The following SHANK2 variants were observed in gnomAD, a reference collection of about 807,000 sequenced individuals.
The protein encoded by SHANK2 is SH3 and multiple ankyrin repeat domains 2.
SHANK2 carries 43 observed loss-of-function variants against 133.7 expected under a neutral mutation model. That is an observed-to-expected ratio of 0.32 (90% confidence interval 0.25 to 0.41). The LOEUF (loss-of-function observed/expected upper bound fraction) is 0.41, where lower values mean the gene tolerates loss of function less well. Ranked by LOEUF, SHANK2 falls within the 10% of genes least tolerant of loss-of-function variation. The pLI, the probability that SHANK2 is intolerant of heterozygous loss-of-function variation, is 1.00. For synonymous variants in SHANK2, 1,017 were observed against 952.8 expected (o/e 1.07, Z -1.24); for missense variants, 1,994 against 2,235.8 (o/e 0.89, Z 2.18).
chr11:70,784,001 A>G (rs1277080743), intron 14 of SHANK2, among the ~76,000 whole-genome samples: 1 of 152,146 alleles, frequency 6.6e-6, no homozygotes, highest in Non-Finnish European at 1.5e-5. Flanking sequence ...GACACAGGGC[A>G]GGGGCCACTG....
intron 17 of SHANK2, among the ~76,000 whole-genome samples, chr11:70,519,224 A>G (rs2059300767): frequency 6.6e-6 from 1 of 152,186 alleles, no homozygotes; most frequent in South Asian, 2.1e-4. Context: ...TTTTAAGAAG[A>G]AACTTTCCCT....
intron 11 of SHANK2, among the ~76,000 whole-genome samples, chr11:70,849,244 G>C (rs1555064679): frequency 6.6e-6 from 1 of 152,166 alleles, no homozygotes; most frequent in African/African-American, 2.4e-5. Flanking sequence ...CCAGGGATCT[G>C]AGACCAGCCT....
intron 2 of SHANK2, among the ~76,000 whole-genome samples, chr11:71,208,449 C>G (rs1393534841): frequency 1.3e-5 from 2 of 152,146 alleles, no homozygotes; most frequent in African/African-American, 4.8e-5. Context: ...ATGCTGCTTT[C>G]CAAATCTCGG....
chr11:70,949,992 C>A, intron 10 of SHANK2: 1 of 452,246 alleles, frequency 2.2e-6, no homozygotes. Flanking sequence ...CTGGGGAGGG[C>A]TGCTCCCTGC....
In SHANK2 at chr11:70,631,403, CA is replaced by C. The variant is rs1555002164; in HGVS notation, c.2061+28424del. 4.4e-3 allele frequency among the ~76,000 whole-genome samples: 671 copies of C among 150,902 alleles called. 3 individuals carry two copies. Among genetic ancestry groups the C allele is most frequent in the Non-Finnish European group, 6.1e-3 (411 of 67,528 alleles). On this transcript the variant is annotated intron_variant, in intron 17 of 25. Transcript: ENST00000601538. Reference sequence around the variant, plus strand: ...ACACACACACACACACACACACACACACACACCCACACAACCTCCCTCCCAC... The same window carrying C: ...ACACACACACACACACACACACACACCACACCCACACAACCTCCCTCCCAC...
At chr11:71,105,321 G>T (rs560930681) in intron 6 of SHANK2, among the ~76,000 whole-genome samples, 1 of 152,054 alleles carries the variant, frequency 6.6e-6, no homozygotes, top group Admixed American at 6.6e-5. Context: ...GGTTGAGTGC[G>T]GTGGCTCACA....
chr11:71,073,142 C>CTTTTTTTTTTTTTTTTTTT (rs1951165821), intron 9 of SHANK2, among the ~76,000 whole-genome samples: 5 of 41,092 alleles, frequency 1.2e-4, no homozygotes, highest in African/African-American at 1.8e-4. Flanking sequence ...TTTTCTTTTT[C>CTTTTTTTTTTTTTTTTTTT]TTTTCTTTTT....
In SHANK2 at chr11:71,183,807, C is replaced by A. The variant is rs182919964; in HGVS notation, c.-12-36469G>T. ...GACAGGTGCCCAAGTCACAACCCCA[C>A]CCGGTCTCATGGTGGGAGATGGTGC... On this transcript the variant is annotated intron_variant, in intron 2 of 25. Transcript: ENST00000601538. 4.6e-5 allele frequency among the ~76,000 whole-genome samples: 7 copies of A among 152,252 alleles called. No homozygotes were observed. The East Asian group carries it at 1.2e-3, about 25-fold the overall frequency.
chr11:71,247,733 C>T (rs2135831907), intron 1 of SHANK2, among the ~76,000 whole-genome samples: 1 of 152,296 alleles, frequency 6.6e-6, no homozygotes, highest in African/African-American at 2.4e-5. Context: ...GCCAGGAGCC[C>T]TTCTGCATTC....
At chr11:70,785,641 G>A (rs1293308042) in intron 14 of SHANK2, among the ~76,000 whole-genome samples, 2 of 152,174 alleles carry the variant, frequency 1.3e-5, no homozygotes, top group Non-Finnish European at 2.9e-5. Context: ...GTGAAGGGAG[G>A]TCTCTAGAGG....
chr11:71,075,610 C>G (rs1590886486), intron 8 of SHANK2, among the ~76,000 whole-genome samples: 1 of 152,196 alleles, frequency 6.6e-6, no homozygotes, highest in Non-Finnish European at 1.5e-5. Flanking sequence ...ATGTCTTTCT[C>G]CCATCCTCAG....
At chr11:71,088,926 C>T (rs1433967586) in intron 8 of SHANK2, among the ~76,000 whole-genome samples, 15,579 of 138,534 alleles carry the variant, frequency 0.11, 841 homozygotes, top group Non-Finnish European at 0.16. Flanking sequence ...GGCCTCCCCT[C>T]GTCCTGAACT....
At chr11:70,541,683 C>T (rs1433041777) in intron 17 of SHANK2, among the ~76,000 whole-genome samples, 2 of 152,244 alleles carry the variant, frequency 1.3e-5, no homozygotes, top group African/African-American at 4.8e-5. Context: ...CCCCACAAAA[C>T]ACATTCAGCC....
At chr11:70,521,434 G>A (rs1554970982) in intron 17 of SHANK2, among the ~76,000 whole-genome samples, 1 of 152,074 alleles carries the variant, frequency 6.6e-6, no homozygotes, top group Non-Finnish European at 1.5e-5. Context: ...TTTTGTTTTG[G>A]ATTTTGAGAT....
chr11:70,499,568 T>C (rs782168010), intron 21 of SHANK2, among the ~76,000 whole-genome samples: 15 of 152,218 alleles, frequency 9.9e-5, no homozygotes, highest in Admixed American at 3.9e-4. Flanking sequence ...AGGTGATGAA[T>C]AGAGGGCCAT....
chr11:70,755,841 G>T (rs1416193682), intron 14 of SHANK2, among the ~76,000 whole-genome samples: 1 of 152,246 alleles, frequency 6.6e-6, no homozygotes, highest in Non-Finnish European at 1.5e-5. Flanking sequence ...TGGGGCCATC[G>T]TAGGGCCACT....
intron 14 of SHANK2, among the ~76,000 whole-genome samples, chr11:70,747,926 T>C (rs1253937392): frequency 6.6e-6 from 1 of 152,156 alleles, no homozygotes; most frequent in Non-Finnish European, 1.5e-5. Context: ...TGTGCACATA[T>C]GTGAATGTGT....
intron 17 of SHANK2, among the ~76,000 whole-genome samples, chr11:70,504,981 T>C (rs1238736033): frequency 2.0e-5 from 3 of 152,140 alleles, no homozygotes; most frequent in East Asian, 3.9e-4. Context: ...CTAAAAGCCA[T>C]GAGGCACAGG....
intron 10 of SHANK2, among the ~76,000 whole-genome samples, chr11:70,926,313 AG>A (rs1950427014): frequency 6.6e-6 from 1 of 152,188 alleles, no homozygotes; most frequent in South Asian, 2.1e-4. Context: ...TGGGAGGCTG[AG>A]GCGGGAGGAT....
Sources: gnomAD v4.1 joint callset for allele counts (sites outside exome capture counted in the v4.1 genomes callset) on GRCh38, gnomAD v4.1.1 for gene constraint, MANE v1.5 for transcripts, NCBI Gene and HGNC (gene_info 2026-07-23, HGNC 2026-07-21) for gene names.